Variants in STK32C observed in about 807,000 individuals in gnomAD.
STK32C encodes the protein serine/threonine-protein kinase 32C.
Under a neutral mutation model 56.5 loss-of-function variants are expected in STK32C, and 31 were observed. The observed-to-expected ratio is 0.55, with a 90% CI of 0.41 to 0.74. The LOEUF (loss-of-function observed/expected upper bound fraction) is 0.74. Ranked by LOEUF, STK32C falls within the 30% of genes least tolerant of loss-of-function variation. The pLI, the probability that STK32C is intolerant of heterozygous loss-of-function variation, is 0.00. For missense variants in STK32C, 544 were observed against 676.9 expected, an observed-to-expected ratio of 0.80 and a Z score of 2.18; for synonymous variants, 309 against 289.4, an observed-to-expected ratio of 1.07 and a Z score of -0.69.
intron 1 of STK32C, among the ~76,000 whole-genome samples, chr10:132,281,585 T>C (rs1238142580): frequency 1.3e-5 from 2 of 152,238 alleles, no homozygotes; most frequent in African/African-American, 2.4e-5. Flanking sequence ...AGTATGTTCA[T>C]GAAGCCCAGC....
intron 2 of STK32C, among the ~76,000 whole-genome samples, chr10:132,232,072 T>C (rs1293967991): frequency 1.3e-5 from 2 of 152,248 alleles, no homozygotes; most frequent in Admixed American, 1.3e-4. Context: ...TCTGAGCACC[T>C]GCGGCCACGC....
chr10:132,325,724 C>CTT (rs541031233), intron 1 of STK32C, among the ~76,000 whole-genome samples: 6 of 139,328 alleles, frequency 4.3e-5, no homozygotes, highest in Admixed American at 7.2e-5. Flanking sequence ...TTTGGTATGT[C>CTT]TTTTTTTTTT....
chr10:132,225,667 T>A (rs368143296), intron 5 of STK32C, 51 bp from the exon 6 acceptor site: 178 of 1,609,196 alleles, frequency 1.1e-4, no homozygotes, highest in Non-Finnish European at 1.5e-4. Context: ...AGATGCATCC[T>A]TGCGTGCAGG....
At chr10:132,306,969 G>C (rs1300016683) in intron 1 of STK32C, 2 of 152,312 alleles carry the variant, frequency 1.3e-5, no homozygotes, top group East Asian at 3.9e-4. Context: ...GGTCACTCAG[G>C]AGACACCAGT....
At chr10:132,297,576 T>A (rs2065791281) in intron 1 of STK32C, among the ~76,000 whole-genome samples, 1 of 152,276 alleles carries the variant, frequency 6.6e-6, no homozygotes, top group Non-Finnish European at 1.5e-5. Flanking sequence ...TTCAGTCATG[T>A]GCTAACTTTA....
chr10:132,226,666 A>G, intron 4 of STK32C, 129 bp downstream of exon 4: 2 of 1,104,608 alleles, frequency 1.8e-6, no homozygotes, highest in African/African-American at 1.5e-5. Flanking sequence ...GCAGGCACTC[A>G]GGCAAGGGTG....
chr10:132,273,246 C>T (rs989912336), intron 1 of STK32C, among the ~76,000 whole-genome samples: 1 of 152,158 alleles, frequency 6.6e-6, no homozygotes, highest in Non-Finnish European at 1.5e-5. Context: ...AGCGACCCCA[C>T]CAAGAGGGCA....
At chr10:132,330,969 G>A (rs1172208550) in intron 1 of STK32C, among the ~76,000 whole-genome samples, 8 of 151,376 alleles carry the variant, frequency 5.3e-5, no homozygotes, top group African/African-American at 1.9e-4. Flanking sequence ...TTGGGAGGCC[G>A]AGGGGGGCGG....
intron 8 of STK32C, among the ~76,000 whole-genome samples, chr10:132,223,784 C>T (rs753606971): frequency 6.6e-6 from 1 of 152,228 alleles, no homozygotes; most frequent in Non-Finnish European, 1.5e-5. Context: ...CCTGTCCTGC[C>T]TGGGCCTGGC....
chr10:132,218,673 T>C (rs1418276532), intron 10 of STK32C, among the ~76,000 whole-genome samples: 1 of 152,202 alleles, frequency 6.6e-6, no homozygotes, highest in African/African-American at 2.4e-5. Flanking sequence ...GAGTCACATA[T>C]GACCCAGCGG....
intron 8 of STK32C, 99 bp downstream of exon 8, chr10:132,224,308 G>A (rs2062794888): frequency 2.3e-6 from 2 of 854,130 alleles, no homozygotes; most frequent in African/African-American, 3.3e-5. Flanking sequence ...CCAGGAAGCG[G>A]CACTAACTGT....
upstream of STK32C, among the ~76,000 whole-genome samples, chr10:132,311,913 TTTAAC>T (rs1194488345): frequency 2.0e-5 from 3 of 152,132 alleles, no homozygotes; most frequent in African/African-American, 4.8e-5. This position sits in a 1 kb window ranked among gnomAD's most constrained non-coding sequence, Gnocchi z 4.4. Context: ...AAGGCCACCA[TTTAAC>T]CCACCACATC....
intron 1 of STK32C, among the ~76,000 whole-genome samples, chr10:132,274,396 T>C (rs1000333671): frequency 5.3e-5 from 8 of 152,220 alleles, no homozygotes; most frequent in African/African-American, 1.9e-4. Context: ...TCATGGTAAG[T>C]GCACGGTTTT....
chr10:132,256,239 G>C (rs1161513990), intron 1 of STK32C, among the ~76,000 whole-genome samples: 1 of 152,120 alleles, frequency 6.6e-6, no homozygotes, highest in Non-Finnish European at 1.5e-5. Context: ...CTCCTGCCCA[G>C]GTACACACCC....
At position 132,249,122 on chromosome 10, in the gene STK32C, G is replaced by C. The variant is rs749920183; in HGVS notation, c.263-3167C>G. On this transcript the variant is annotated intron_variant, in intron 1 of 11. Transcript: ENST00000298630. The stretch of plus-strand genomic sequence containing the variant: ...AGCAAGGCGCATGCGTGCCGGGGCG[G>C]GGCTGTGGCGTCAGGGCGTGCAGGG... The C allele has an allele frequency of 2.3e-4, 105 of 459,654 alleles. 3 individuals carry two copies. Among genetic ancestry groups the C allele is most frequent in the South Asian group, 1.5e-3 (100 of 64,684 alleles). 28.5% of individuals were successfully genotyped at this position (459,654 alleles called of 1,614,324 possible). A position where few individuals can be genotyped will look rare whatever the true frequency, so the allele number is the denominator to read the frequency against.
chr10:132,296,390 G>C (rs1396069063), intron 1 of STK32C, among the ~76,000 whole-genome samples: 2 of 152,050 alleles, frequency 1.3e-5, no homozygotes, highest in African/African-American at 2.4e-5. Context: ...ATGGATACGG[G>C]TCCTCTAGTT....
rs576361165 is a variant in STK32C at position 132,306,185 on chromosome 10, G to A, written c.262+1387C>T. Among the ~76,000 whole-genome samples, 165 of 152,310 alleles carry A rather than the reference G, an allele frequency of 1.1e-3. 1 individual carries two copies. The highest frequency in any genetic ancestry group is 3.2e-3 in the African/African-American group (135 of 41,558). On this transcript the variant is annotated intron_variant, in intron 1 of 11. Coordinates refer to ENST00000298630, the MANE Select transcript of STK32C (RefSeq NM_173575.4). ...TCCCACCCCCGGAGAGCACGGTGCC[G>A]AGACCCAGAAGAGCAGCCAGCTCTT... is the stretch of plus-strand genomic sequence containing the variant.
rs368861087 is a variant in STK32C at position 132,255,128 on chromosome 10, G to A, written c.263-9173C>T. 3.3e-5 allele frequency among the ~76,000 whole-genome samples: 5 copies of A among 152,208 alleles called. No individual in the cohort carries two copies. Among genetic ancestry groups the A allele is most frequent in the South Asian group, 4.1e-4 (2 of 4,836 alleles). On this transcript the variant is annotated intron_variant, in intron 1 of 11. Transcript: ENST00000298630. The surrounding 1 kb of genome is among the most constrained non-coding windows in gnomAD (Gnocchi z 4.6). ...AATGTCACACGTGGTTGAAACACAC[G>A]CAGAAGTTGATTAAATGCCGTCTCG...
At chr10:132,238,309 T>C (rs2137843387) in intron 2 of STK32C, among the ~76,000 whole-genome samples, 1 of 152,156 alleles carries the variant, frequency 6.6e-6, no homozygotes, top group Non-Finnish European at 1.5e-5. Flanking sequence ...ATCACACAGG[T>C]GGGTGAGATC....
Sources: allele counts gnomAD v4.1 joint callset (sites outside exome capture counted in the v4.1 genomes callset), GRCh38; gene constraint gnomAD v4.1.1; non-coding constraint Gnocchi (gnomAD v3.1); transcripts MANE v1.5; gene names NCBI Gene and HGNC (gene_info 2026-07-23, HGNC 2026-07-21).